The following NUP214 variants were observed in gnomAD, a reference collection of about 807,000 sequenced individuals.
NUP214 encodes the protein nucleoporin 214, also known as nuclear pore complex protein Nup214.
NUP214 carries 79 observed loss-of-function variants against 196.2 expected under a neutral mutation model. That is an observed-to-expected ratio of 0.40 (90% confidence interval 0.34 to 0.49). The LOEUF (loss-of-function observed/expected upper bound fraction) is 0.49. Among genes scored for constraint, NUP214 ranks in the 20% least tolerant of loss-of-function variants. The pLI, the probability that NUP214 is intolerant of heterozygous loss-of-function variation, is 0.58. For missense variants in NUP214, 2,468 were observed against 2,539.0 expected (o/e 0.97, Z 0.60); for synonymous variants, 1,020 against 990.5 (o/e 1.03, Z -0.56).
intron 24 of NUP214, among the ~76,000 whole-genome samples, chr9:131,178,700 TTGA>T (rs1249575224): frequency 9.3e-6 from 1 of 107,422 alleles, no homozygotes. Flanking sequence ...GGTGTGCAGG[TTGA>T]TTTTTTTTTT....
At chr9:131,166,769 T>A (rs78178724) in intron 21 of NUP214, among the ~76,000 whole-genome samples, 1 of 152,120 alleles carries the variant, frequency 6.6e-6, no homozygotes, top group Non-Finnish European at 1.5e-5. Flanking sequence ...CTTTTTTTTT[T>A]AATTTGACAT....
At chr9:131,138,447 A>G (rs1447554651) in intron 9 of NUP214, among the ~76,000 whole-genome samples, 1 of 151,846 alleles carries the variant, frequency 6.6e-6, no homozygotes, top group Non-Finnish European at 1.5e-5. Context: ...CAAACTCCTG[A>G]CCCCAGGTGA....
Position 131,128,332 on chromosome 9 carries a change from T to A in NUP214, c.242T>A (p.Val81Asp). 6.2e-7 allele frequency: 1 copy of A among 1,606,550 alleles called. No homozygotes were observed. Among genetic ancestry groups the A allele is most frequent in the South Asian group, 1.1e-5 (1 of 90,198 alleles). Residue 81 changes from valine to aspartate, a missense_variant and splice_region_variant, in exon 3 of 36, where the codon GTT (valine) becomes GAT (aspartate). Physicochemically the swap from Val to Asp is radical, Grantham distance 152. Transcript: ENST00000359428. ...GCTTTGTATTTTTTTGTTTTCATAG[T>A]TGATAAAGTCCAAGGCTTGCTAGTT... is the stretch of plus-strand genomic sequence containing the variant. ...NKPGDDPNKI[V>D]DKVQGLLVPM...
chr9:131,138,425 C>T (rs1831806963), intron 9 of NUP214, among the ~76,000 whole-genome samples: 1 of 152,018 alleles, frequency 6.6e-6, no homozygotes, highest in Admixed American at 6.6e-5. Flanking sequence ...ACCATGTTGA[C>T]CAGGCTGGTT....
chr9:131,169,464 T>C (rs1311844344), intron 21 of NUP214, among the ~76,000 whole-genome samples: 1 of 151,766 alleles, frequency 6.6e-6, no homozygotes, highest in African/African-American at 2.4e-5. Flanking sequence ...GGGAAAGGAG[T>C]GGTGAGACCC....
rs529180266 is a variant in NUP214, at chr9:131,227,999, G to A, written c.5903-161G>A. Among the ~76,000 whole-genome samples, 1,307 of 133,392 alleles carry A rather than the reference G, an allele frequency of 9.8e-3. 14 individuals are homozygous for A. Among genetic ancestry groups the A allele is most frequent in the Non-Finnish European group, 0.017 (1,050 of 62,102 alleles). 87.5% of individuals were successfully genotyped at this position (133,392 alleles called of 152,430 possible). On this transcript the variant is annotated intron_variant, in intron 32 of 35. Transcript: ENST00000359428. ...TGATAGAAGGGCGGGGGGGAGGGGG[G>A]GTGTTGCCCTTTACTCTAGTTCTTG...
At chr9:131,184,293 A>AG (rs1259000160) in intron 24 of NUP214, among the ~76,000 whole-genome samples, 7 of 144,832 alleles carry the variant, frequency 4.8e-5, no homozygotes, top group East Asian at 2.1e-4. Context: ...GGCCTCCCAA[A>AG]TGCTGGGACT....
chr9:131,162,994 CCT>C lies in NUP214; in HGVS notation c.2545_2546del (p.Leu849AlafsTer10), dbSNP rs1390914687. The C allele has an allele frequency of 6.2e-7, 1 of 1,613,922 alleles. No homozygotes were observed. The highest frequency in any genetic ancestry group is 1.3e-5 in the African/African-American group (1 of 74,924). Reference sequence around the variant, plus strand: ...CTTTTCTCATTGTTGTCAACAGGCACCTGCTTGTGCCAGAGCGAGAGACACTG... The same window carrying C: ...CTTTTCTCATTGTTGTCAACAGGCACGCTTGTGCCAGAGCGAGAGACACTG... ...HLEQKKKQRHLLVPERETLFN... is the reference protein window; with the variant it reads ...HLEQKKKQRHXLVPERETLFN... On this transcript the variant is annotated frameshift_variant, in exon 19 of 36. Coordinates refer to ENST00000359428, the MANE Select transcript of NUP214 (RefSeq NM_005085.4). LOFTEE classifies it high-confidence loss of function.
At chr9:131,217,060 C>G (rs1317425320) in intron 31 of NUP214, among the ~76,000 whole-genome samples, 1 of 152,096 alleles carries the variant, frequency 6.6e-6, no homozygotes, top group African/African-American at 2.4e-5. Context: ...CAGATGTTTC[C>G]TTAATATTAA....
intron 31 of NUP214, among the ~76,000 whole-genome samples, chr9:131,220,203 A>G (rs1344419142): frequency 6.6e-6 from 1 of 152,206 alleles, no homozygotes; most frequent in East Asian, 1.9e-4. Context: ...GTCAAGAAGA[A>G]TCTTCTACAG....
chr9:131,145,303 T>C (rs1832057187), intron 12 of NUP214, among the ~76,000 whole-genome samples: 1 of 152,194 alleles, frequency 6.6e-6, no homozygotes, highest in Admixed American at 6.5e-5. Flanking sequence ...ATTTCTTATT[T>C]ATTTACTTCT....
chr9:131,222,839 G>A lies in NUP214; in HGVS notation c.5811G>A (p.Ser1937=), dbSNP rs999344980. The part of the protein sequence containing the change: ...AKTFGGFASS[S]FGEQKPTGTF... ...CATTTGGTGGATTTGCCAGCTCGTC[G>A]TTTGGAGAGCAGAAACCCACTGGCA... Residue 1937 remains serine, a synonymous_variant, in exon 32 of 36, where the codon TCG becomes TCA. Transcript: ENST00000359428. 6.2e-6 allele frequency: 10 copies of A among 1,614,060 alleles called. No individual in the cohort carries two copies. Among genetic ancestry groups the A allele is most frequent in the Middle Eastern group, 1.6e-4 (1 of 6,084 alleles).
chr9:131,129,243 T>C (rs1588119981), intron 3 of NUP214, 36 bp from the exon 4 acceptor site: 24 of 1,548,606 alleles, frequency 1.5e-5, no homozygotes, highest in Non-Finnish European at 2.1e-5. Context: ...TTACTATTTG[T>C]TAACTTATTT....
chr9:131,219,101 C>A (rs1052049606), intron 31 of NUP214, among the ~76,000 whole-genome samples: 4 of 152,066 alleles, frequency 2.6e-5, no homozygotes, highest in African/African-American at 7.2e-5. Context: ...AGGAAACCAG[C>A]CTTTATTAAT....
intron 30 of NUP214, among the ~76,000 whole-genome samples, chr9:131,213,675 A>T (rs534110630): frequency 2.0e-5 from 3 of 152,258 alleles, no homozygotes; most frequent in African/African-American, 7.2e-5. Flanking sequence ...ATCAGGGCCA[A>T]TGCTGTTAGG....
In NUP214 at chr9:131,144,300, A is replaced by G. The variant is rs1006508056; in HGVS notation, c.1315A>G (p.Thr439Ala). 8.1e-6 allele frequency: 13 copies of G among 1,612,940 alleles called. No homozygotes were observed. Among genetic ancestry groups the G allele is most frequent in the Admixed American group, 3.3e-5 (2 of 59,898 alleles). ...KSPGSTPTTP[T>A]SSQAPQKLDA... ...TGCAGGAAGTACTCCCACTACCCCA[A>G]CCTCCTCTCAAGCCCCACAGAAACT... The change falls in exon 12 of 36, where the codon ACC becomes GCC. Residue 439 changes from threonine (T) to alanine (A), a missense_variant. Thr to Ala is a moderately conservative substitution (Grantham distance 58, BLOSUM62 0). This residue lies in a region of NUP214 where 1,801 missense variants were observed against 1,779.4 expected (regional missense o/e 1.01). Transcript: ENST00000359428.
At chr9:131,164,621 C>A (rs1027095506) in intron 21 of NUP214, 5 of 153,206 alleles carry the variant, frequency 3.3e-5, no homozygotes, top group African/African-American at 1.2e-4. Flanking sequence ...TTCTCAAACT[C>A]CTGGGTTCAA....
chr9:131,153,907 T>G (rs1312820648), intron 17 of NUP214, among the ~76,000 whole-genome samples: 2 of 152,170 alleles, frequency 1.3e-5, no homozygotes, highest in African/African-American at 4.8e-5. Flanking sequence ...GTAAATGTAG[T>G]GTGGGATATG....
chr9:131,211,754 T>G (rs981489646), intron 30 of NUP214, among the ~76,000 whole-genome samples: 1 of 152,160 alleles, frequency 6.6e-6, no homozygotes, highest in Non-Finnish European at 1.5e-5. Flanking sequence ...TGCCTGTCTT[T>G]ACTTTAATCT....
Sources: allele counts gnomAD v4.1 joint callset (sites outside exome capture counted in the v4.1 genomes callset), GRCh38; gene constraint gnomAD v4.1.1; regional missense constraint gnomAD v4.1.1; transcripts MANE v1.5; gene names NCBI Gene and HGNC (gene_info 2026-07-23, HGNC 2026-07-21).